Variants in OPRK1 observed in about 807,000 individuals in gnomAD.
The protein encoded by OPRK1 is kappa-type opioid receptor.
OPRK1 carries 15 observed loss-of-function variants against 24.5 expected under a neutral mutation model. That is an observed-to-expected ratio of 0.61 (90% CI 0.41 to 0.94). OPRK1 has a LOEUF of 0.94. Among genes scored for constraint, OPRK1 ranks in the 40% least tolerant of loss-of-function variants. The pLI is 0.00. For missense variants in OPRK1, 479 were observed against 507.3 expected, an observed-to-expected ratio of 0.94 and a Z score of 0.54; for synonymous variants, 205 against 198.0, an observed-to-expected ratio of 1.04 and a Z score of -0.30.
rs754715860 is a variant in OPRK1, at chr8:53,250,966, G to C, written c.72C>G (p.Pro24=). 2 of 1,606,962 alleles carry C rather than the reference G, an allele frequency of 1.2e-6. No homozygotes were observed. The highest frequency in any genetic ancestry group is 1.7e-6 in the Non-Finnish European group (2 of 1,176,720). ...PTCAPSACLP[P]NSSAWFPGWA... ...AGCCGGGAAACCAGGCGCTGCTGTTGGGGGGCAGGCAGGCGCTCGGGGCGC... is the reference window on the plus strand; with the variant it reads ...AGCCGGGAAACCAGGCGCTGCTGTTCGGGGGCAGGCAGGCGCTCGGGGCGC... Residue 24 remains proline, a synonymous_variant, in exon 2 of 4, where the codon CCC becomes CCG. Coordinates refer to ENST00000265572, the MANE Select transcript of OPRK1 (RefSeq NM_000912.5).
chr8:53,250,976 C>A lies in OPRK1; in HGVS notation c.62G>T (p.Cys21Phe), dbSNP rs1490155941. The change falls in exon 2 of 4, where the codon TGC becomes TTC. Residue 21 changes from cysteine to phenylalanine, a missense_variant. Transcript: ENST00000265572. The stretch of plus-strand genomic sequence containing the variant: ...CCAGGCGCTGCTGTTGGGGGGCAGG[C>A]AGGCGCTCGGGGCGCAGGTAGGGCC... ...EPGPTCAPSA[C>F]LPPNSSAWFP... The A allele has an allele frequency of 6.2e-7, 1 of 1,602,296 alleles. No individual in the cohort carries two copies. Among genetic ancestry groups the A allele is most frequent in the Non-Finnish European group, 8.5e-7 (1 of 1,174,792 alleles).
chr8:53,230,920 T>TA (rs2128807819), intron 3 of OPRK1, among the ~76,000 whole-genome samples: 1 of 152,326 alleles, frequency 6.6e-6, no homozygotes, highest in East Asian at 1.9e-4. Context: ...AATATTTTTT[T>TA]AAATAGCAAA....
At chr8:53,251,309 G>A (rs954358141) in intron 1 of OPRK1, 139 bp downstream of exon 1, 5 of 517,170 alleles carry the variant, frequency 9.7e-6, no homozygotes, top group Non-Finnish European at 1.7e-5. Context: ...AGCCCCTGAG[G>A]TGCCTCCCTC....
chr8:53,250,589 A>G (rs977305206), intron 2 of OPRK1, among the ~76,000 whole-genome samples, 192 bp downstream of exon 2: 2 of 151,990 alleles, frequency 1.3e-5, no homozygotes, highest in Admixed American at 6.5e-5. Flanking sequence ...TGAACCTCTC[A>G]GCACTCCACC....
chr8:53,241,693 T>C (rs1807119354), intron 2 of OPRK1, among the ~76,000 whole-genome samples: 1 of 152,164 alleles, frequency 6.6e-6, no homozygotes, highest in Non-Finnish European at 1.5e-5. Context: ...CATACTCACA[T>C]AGGAGCCAGG....
At chr8:53,245,565 G>A (rs1414071787) in intron 2 of OPRK1, among the ~76,000 whole-genome samples, 1 of 152,204 alleles carries the variant, frequency 6.6e-6, no homozygotes, top group Admixed American at 6.5e-5. Flanking sequence ...ATCACACTGA[G>A]CCATTTAGAA....
At chr8:53,232,271 G>A (rs770057629) in intron 3 of OPRK1, among the ~76,000 whole-genome samples, 31 of 151,936 alleles carry the variant, frequency 2.0e-4, no homozygotes, top group Non-Finnish European at 4.4e-4. Flanking sequence ...GGATATACAG[G>A]GGTTGGTTAA....
chr8:53,237,888 G>C (rs1253663846), intron 2 of OPRK1, among the ~76,000 whole-genome samples: 1 of 152,178 alleles, frequency 6.6e-6, no homozygotes, highest in East Asian at 1.9e-4. Context: ...GCAGAGGCAG[G>C]ACCTCAGTGG....
chr8:53,234,650 T>C, intron 3 of OPRK1, 109 bp downstream of exon 3: 3 of 947,952 alleles, frequency 3.2e-6, no homozygotes, highest in Non-Finnish European at 4.8e-6. Flanking sequence ...ATTTCCGTCG[T>C]CTTTTGGCAT....
chr8:53,247,668 T>G (rs1563331660), intron 2 of OPRK1, among the ~76,000 whole-genome samples: 1 of 59,028 alleles, frequency 1.7e-5, no homozygotes, highest in Non-Finnish European at 3.2e-5. Context: ...GGGGGAATCC[T>G]GCACAGGAGG....
chr8:53,236,402 G>A (rs1449330439), intron 2 of OPRK1, among the ~76,000 whole-genome samples: 1 of 152,202 alleles, frequency 6.6e-6, no homozygotes, highest in African/African-American at 2.4e-5. Flanking sequence ...CTACTCATTA[G>A]GAAGTGGCTG....
Position 53,228,114 on chromosome 8 carries a change from T to C in OPRK1, c.*1183A>G, listed in dbSNP as rs1806753114. ...TGTCCTGGCACCAGGAGGGACATCATGTCCTCATTCAGCACACATTTAGGA... is the reference window on the plus strand; with the variant it reads ...TGTCCTGGCACCAGGAGGGACATCACGTCCTCATTCAGCACACATTTAGGA... On this transcript the variant is annotated 3_prime_UTR_variant, in exon 4 of 4. Transcript: ENST00000265572. 1 of 152,200 alleles carries C rather than the reference T, an allele frequency of 6.6e-6. No individual in the cohort carries two copies. The highest frequency in any genetic ancestry group is 6.5e-5 in the Admixed American group (1 of 15,292). The allele number at this position is 152,200 out of a possible 1,614,324, so 9.4% of individuals were successfully genotyped here.
At position 53,238,572 on chromosome 8, in the gene OPRK1, C is replaced by T. The variant is rs1050462309; in HGVS notation, c.258-3461G>A. ...AGGCTATGGTGGCCAGGCAACAGGG[C>T]GGAGGGTGTTCCAGAGACTTAGAAA... On this transcript the variant is annotated intron_variant, in intron 2 of 3. Transcript: ENST00000265572. 16 of 985,378 alleles carry T rather than the reference C, an allele frequency of 1.6e-5. No homozygotes were observed. In the African/African-American group the frequency reaches 1.7e-4, roughly 11 times the overall value. 61.0% of individuals were successfully genotyped at this position (985,378 alleles called of 1,614,324 possible).
At chr8:53,250,447 G>A (rs1170536269) in intron 2 of OPRK1, among the ~76,000 whole-genome samples, 1 of 150,620 alleles carries the variant, frequency 6.6e-6, no homozygotes, top group Non-Finnish European at 1.5e-5. Context: ...AGGAACCCCT[G>A]ACCCTGTTGT....
Position 53,251,136 on chromosome 8 carries a change from G to A in OPRK1, c.-48-51C>T, listed in dbSNP as rs1042437509. ...ACGCGGAGAGGCAAACTTTGCCCGCGCCCTGGCCAGCGGCGCTGGGGACCC... is the reference window on the plus strand; with the variant it reads ...ACGCGGAGAGGCAAACTTTGCCCGCACCCTGGCCAGCGGCGCTGGGGACCC... On this transcript the variant is annotated intron_variant, in intron 1 of 3. Transcript: ENST00000265572. The A allele has an allele frequency of 1.1e-5, 15 of 1,403,192 alleles. No individual in the cohort carries two copies. The African/African-American group carries it at 1.8e-4, about 17-fold the overall frequency. The allele number at this position is 1,403,192 out of a possible 1,614,324, so 86.9% of individuals were successfully genotyped here.
In OPRK1 at chr8:53,250,948, A is replaced by T. The variant is rs1433348238; in HGVS notation, c.90T>A (p.Phe30Leu). 4 of 1,610,260 alleles carry T rather than the reference A, an allele frequency of 2.5e-6. No individual in the cohort carries two copies. The highest frequency in any genetic ancestry group is 3.4e-6 in the Non-Finnish European group (4 of 1,178,256). ...TGCTGTCGGGCTCGGCCCAGCCGGGAAACCAGGCGCTGCTGTTGGGGGGCA... is the reference window on the plus strand; with the variant it reads ...TGCTGTCGGGCTCGGCCCAGCCGGGTAACCAGGCGCTGCTGTTGGGGGGCA... ...ACLPPNSSAW[F>L]PGWAEPDSNG... The change falls in exon 2 of 4, where the codon TTT becomes TTA. Residue 30 changes from phenylalanine (F) to leucine (L), a missense_variant. Coordinates refer to ENST00000265572, the MANE Select transcript of OPRK1 (RefSeq NM_000912.5).
At chr8:53,235,221 T>C (rs1806963150) in intron 2 of OPRK1, 110 bp from the exon 3 acceptor site, 3 of 835,386 alleles carry the variant, frequency 3.6e-6, no homozygotes, top group Non-Finnish European at 5.6e-6. Context: ...CATTCAATTA[T>C]TCTTATATTC....
intron 2 of OPRK1, among the ~76,000 whole-genome samples, chr8:53,241,784 G>A (rs550309561): frequency 6.6e-6 from 1 of 152,334 alleles, no homozygotes; most frequent in African/African-American, 2.4e-5. Context: ...CGTGCGATCA[G>A]GACTCCAGAC....
chr8:53,235,379 ATATAG>A (rs1366860774), intron 2 of OPRK1, among the ~76,000 whole-genome samples: 2 of 152,252 alleles, frequency 1.3e-5, no homozygotes, highest in African/African-American at 4.8e-5. Context: ...ATGAATAGAC[ATATAG>A]ATCTAGCATT....
Sources: gnomAD v4.1 joint callset for allele counts (sites outside exome capture counted in the v4.1 genomes callset) on GRCh38, gnomAD v4.1.1 for gene constraint, MANE v1.5 for transcripts, NCBI Gene and HGNC (gene_info 2026-07-23, HGNC 2026-07-21) for gene names.